MAOA: variants seen among roughly 807,000 people sequenced by gnomAD.
The protein encoded by MAOA is monoamine oxidase A, also known as amine oxidase [flavin-containing] A.
A neutral mutation model predicts 42.0 loss-of-function variants in MAOA; 6 were observed. That is an observed-to-expected ratio of 0.14 (90% CI 0.08 to 0.28). The LOEUF (loss-of-function observed/expected upper bound fraction) is 0.28. Ranked by LOEUF, MAOA falls within the 10% of genes least tolerant of loss-of-function variation. MAOA has a pLI of 1.00. For missense variants in MAOA, 262 were observed against 422.3 expected (o/e 0.62, Z 3.33); for synonymous variants, 140 against 154.0 (o/e 0.91, Z 0.67).
chrX:43,662,805 A>G (rs778797875), intron 1 of MAOA, among the ~76,000 whole-genome samples: 15 of 110,710 alleles, frequency 1.4e-4, no homozygotes, highest in South Asian at 3.8e-4. Flanking sequence ...AGATTTCATA[A>G]TGATAGGGTT....
chrX:43,698,765 A>G (rs1392703184), intron 3 of MAOA, among the ~76,000 whole-genome samples: 2 of 112,022 alleles, frequency 1.8e-5, no homozygotes, highest in Non-Finnish European at 3.8e-5. Context: ...TTCTTATATA[A>G]TAGGTTCCTG....
chrX:43,664,561 T>A (rs2033260807), intron 1 of MAOA, among the ~76,000 whole-genome samples: 1 of 111,779 alleles, frequency 8.9e-6, no homozygotes, highest in African/African-American at 3.3e-5. Context: ...GACAGAAGTG[T>A]CATAGATTTT....
At chrX:43,742,356 C>A (rs1251110859) in intron 12 of MAOA, among the ~76,000 whole-genome samples, 1 of 112,398 alleles carries the variant, frequency 8.9e-6, no homozygotes, top group Non-Finnish European at 1.9e-5. Context: ...TTTAGTCTCA[C>A]ATGACTGCCT....
At chrX:43,656,231 G>C, upstream of MAOA, 1 of 671,019 alleles carries the variant, frequency 1.5e-6, no homozygotes, top group Non-Finnish European at 2.3e-6. Flanking sequence ...GGTATCAAAA[G>C]AAGGATCGGC....
Position 43,728,423 on chromosome X carries a change from T to C in MAOA, c.645+109T>C, listed in dbSNP as rs900430025. 9.1e-6 allele frequency: 8 copies of C among 883,526 alleles called. No homozygotes were observed. The African/African-American group carries it at 1.6e-4, about 17-fold the overall frequency. The allele number at this position is 883,526 out of a possible 1,213,427, so 72.8% of individuals were successfully genotyped here. A position where few individuals can be genotyped will look rare whatever the true frequency, so the allele number is the denominator to read the frequency against. ...TTCAGGATTTTGAAACATGAATAAT[T>C]AGCAGCATGAAATGATCTCAAAAGA... is the stretch of plus-strand genomic sequence containing the variant. On this transcript the variant is annotated intron_variant, in intron 6 of 14. Transcript: ENST00000338702.
At chrX:43,664,433 G>T (rs367710157) in intron 1 of MAOA, among the ~76,000 whole-genome samples, 2 of 111,634 alleles carry the variant, frequency 1.8e-5, no homozygotes, top group East Asian at 5.6e-4. Context: ...TTACAGAGAT[G>T]AGCCTGAAAT....
chrX:43,679,983 G>A (rs1398366996), intron 1 of MAOA, among the ~76,000 whole-genome samples: 1 of 111,659 alleles, frequency 9.0e-6, no homozygotes, highest in African/African-American at 3.3e-5. Context: ...AACATATTGC[G>A]CCAAGACTGG....
At chrX:43,739,342 G>A (rs1298899192) in intron 10 of MAOA, among the ~76,000 whole-genome samples, 1 of 111,909 alleles carries the variant, frequency 8.9e-6, no homozygotes, top group East Asian at 2.8e-4. Context: ...ATCATCTCAG[G>A]AGTGGCATTT....
At chrX:43,689,140 C>G (rs779490637) in intron 2 of MAOA, among the ~76,000 whole-genome samples, 1 of 110,418 alleles carries the variant, frequency 9.1e-6, no homozygotes, top group Non-Finnish European at 1.9e-5. Context: ...AGTGCAGTGG[C>G]GCAATCTCAG....
intron 1 of MAOA, among the ~76,000 whole-genome samples, chrX:43,667,885 T>C (rs948736209): frequency 8.9e-6 from 1 of 112,239 alleles, no homozygotes; most frequent in African/African-American, 3.2e-5. Flanking sequence ...AATCTCAACT[T>C]TGCTTATTTT....
chrX:43,712,895 A>C, intron 5 of MAOA, 99 bp downstream of exon 5: 3 of 594,148 alleles, frequency 5.0e-6, no homozygotes, highest in Non-Finnish European at 8.4e-6. Flanking sequence ...AACTTACAGA[A>C]AAAAAGAGGA....
intron 10 of MAOA, among the ~76,000 whole-genome samples, chrX:43,739,599 A>C (rs1460754022): frequency 2.7e-5 from 3 of 111,845 alleles, no homozygotes; most frequent in African/African-American, 9.7e-5. Context: ...CTAAATCTCT[A>C]TTTCTTTATT....
At chrX:43,688,124 T>TACA (rs2033502253) in intron 2 of MAOA, among the ~76,000 whole-genome samples, 1 of 112,788 alleles carries the variant, frequency 8.9e-6, no homozygotes, top group South Asian at 3.6e-4. Flanking sequence ...CAATGTCCTG[T>TACA]GAGGCTTTAC....
At chrX:43,724,214 C>A in intron 5 of MAOA, among the ~76,000 whole-genome samples, 1 of 111,301 alleles carries the variant, frequency 9.0e-6, no homozygotes, top group East Asian at 2.8e-4. Flanking sequence ...TAGGGAGGAT[C>A]CCCTCTTTTT....
intron 10 of MAOA, among the ~76,000 whole-genome samples, chrX:43,739,813 A>G (rs1186144108): frequency 1.8e-5 from 2 of 112,766 alleles, no homozygotes; most frequent in Admixed American, 9.4e-5. Context: ...GGAAAAGTAT[A>G]TAACTGGATC....
intron 3 of MAOA, among the ~76,000 whole-genome samples, chrX:43,695,432 T>C (rs1257181038): frequency 8.9e-6 from 1 of 111,809 alleles, no homozygotes; most frequent in East Asian, 2.8e-4. Context: ...CCACGCCCAG[T>C]CTAAAACTTG....
At chrX:43,690,444 A>G (rs957873706) in intron 2 of MAOA, among the ~76,000 whole-genome samples, 2 of 111,614 alleles carry the variant, frequency 1.8e-5, no homozygotes, top group African/African-American at 6.5e-5. Context: ...TATTTTATTT[A>G]AAATATATTG....
intron 3 of MAOA, among the ~76,000 whole-genome samples, chrX:43,693,724 C>T (rs2033554846): frequency 9.1e-6 from 1 of 110,000 alleles, no homozygotes; most frequent in African/African-American, 3.3e-5. Flanking sequence ...TGGGTTCCCT[C>T]CTAATGCATT....
At chrX:43,709,572 A>G (rs1411316854) in intron 3 of MAOA, among the ~76,000 whole-genome samples, 2 of 110,975 alleles carry the variant, frequency 1.8e-5, no homozygotes, top group Admixed American at 9.6e-5. Context: ...TTTTTTTCCA[A>G]AGCAAAGATC....
Sources: allele counts gnomAD v4.1 joint callset (sites outside exome capture counted in the v4.1 genomes callset), GRCh38; gene constraint gnomAD v4.1.1; transcripts MANE v1.5; gene names NCBI Gene and HGNC (gene_info 2026-07-23, HGNC 2026-07-21).